C5: variants seen among roughly 807,000 people sequenced by gnomAD.
C5 encodes C3 and PZP-like alpha-2-macroglobulin domain-containing protein 4.
A neutral mutation model predicts 218.8 loss-of-function variants in C5; 140 were observed. That is an observed-to-expected ratio of 0.64 (90% CI 0.56 to 0.74). The LOEUF is 0.74. Ranked by LOEUF, C5 falls within the 30% of genes least tolerant of loss-of-function variation. C5 has a pLI of 0.00. For synonymous variants in C5, 614 were observed against 682.3 expected, an observed-to-expected ratio of 0.90 and a Z score of 1.56; for missense variants, 1,700 against 1,969.6, an observed-to-expected ratio of 0.86 and a Z score of 2.59.
chr9:120,970,328 CT>C (rs1377243210), intron 31 of C5, 77 bp from the exon 32 acceptor site: 3 of 898,388 alleles, frequency 3.3e-6, no homozygotes, highest in Non-Finnish European at 5.6e-6. Context: ...AACACTGCTG[CT>C]GCAGATGGGA....
At chr9:121,008,544 C>A (rs770749891) in intron 17 of C5, 46 bp from the exon 18 acceptor site, 2 of 1,369,090 alleles carry the variant, frequency 1.5e-6, no homozygotes, top group African/African-American at 2.9e-5. Flanking sequence ...AATATAAATT[C>A]TACTTATAGG....
At chr9:121,063,653 A>G in the C5 span, among the ~76,000 whole-genome samples, 2 of 152,266 alleles carry the variant, frequency 1.3e-5, no homozygotes, top group East Asian at 3.9e-4. Flanking sequence ...AACCTGGAAA[A>G]TTTGACCTGT....
rs540683124 is a variant in C5, at chr9:120,979,406, C to G, written c.3658+677G>C. Among the ~76,000 whole-genome samples, 109 of 152,320 alleles carry G rather than the reference C, an allele frequency of 7.2e-4. 1 individual carries two copies. The South Asian group carries it at 0.013, about 19-fold the overall frequency. On this transcript the variant is annotated intron_variant, in intron 28 of 40. Coordinates refer to ENST00000223642, the MANE Select transcript of C5 (RefSeq NM_001735.3). Reference sequence around the variant, plus strand: ...TTTTCTTCATATCAGCCATCACCATCTATTCATAAAGCTTTATTTATTTAT... The same window carrying G: ...TTTTCTTCATATCAGCCATCACCATGTATTCATAAAGCTTTATTTATTTAT...
chr9:120,970,471 G>A (rs546971190), intron 31 of C5, among the ~76,000 whole-genome samples: 2 of 152,270 alleles, frequency 1.3e-5, no homozygotes, highest in South Asian at 4.1e-4. Flanking sequence ...AATGACTTCT[G>A]GCCGGTCAGA....
At chr9:120,960,689 G>A (rs1194441726) in intron 37 of C5, among the ~76,000 whole-genome samples, 1 of 152,142 alleles carries the variant, frequency 6.6e-6, no homozygotes, top group Non-Finnish European at 1.5e-5. Context: ...TAGCTCATTA[G>A]CTATTGTTAG....
At chr9:120,983,534 T>C (rs1432858264) in intron 25 of C5, among the ~76,000 whole-genome samples, 3 of 152,214 alleles carry the variant, frequency 2.0e-5, no homozygotes, top group African/African-American at 4.8e-5. Flanking sequence ...GTGTTTCTTT[T>C]TCATTTTCAT....
intron 38 of C5, among the ~76,000 whole-genome samples, chr9:120,959,162 AGCTGTT>A (rs2046807540): frequency 6.6e-6 from 1 of 152,118 alleles, no homozygotes; most frequent in African/African-American, 2.4e-5. Context: ...TGTTTATGGA[AGCTGTT>A]GCTAAACACA....
At chr9:121,006,339 T>G (rs1190494761) in intron 19 of C5, among the ~76,000 whole-genome samples, 2 of 152,236 alleles carry the variant, frequency 1.3e-5, no homozygotes, top group Non-Finnish European at 2.9e-5. Flanking sequence ...TTTTTAGATA[T>G]TCATTATTGG....
intron 33 of C5, among the ~76,000 whole-genome samples, chr9:120,967,363 GC>G (rs1224699037): frequency 6.6e-6 from 1 of 152,026 alleles, no homozygotes; most frequent in East Asian, 1.9e-4. Context: ...CATTTGGCAG[GC>G]GACTTTATCT....
At position 121,028,377 on chromosome 9, in the gene C5, A is replaced by C. The variant is rs139931348; in HGVS notation, c.759-1103T>G. 1.1e-4 allele frequency among the ~76,000 whole-genome samples: 17 copies of C among 152,366 alleles called. No homozygotes were observed. In the East Asian group the frequency reaches 2.1e-3, roughly 19 times the overall value. On this transcript the variant is annotated intron_variant, in intron 7 of 40. Transcript: ENST00000223642. ...CCAAAGGATTATAAATCATGCTGCT[A>C]TAAAGACACATGCACACGTATGTTT...
chr9:121,036,389 T>C (rs540461451), intron 4 of C5, among the ~76,000 whole-genome samples: 146 of 152,284 alleles, frequency 9.6e-4, no homozygotes, highest in African/African-American at 3.4e-3. Context: ...TGACTGACAT[T>C]CATTTTTCTG....
chr9:121,008,757 C>T (rs1352715533), intron 17 of C5, among the ~76,000 whole-genome samples: 3 of 152,006 alleles, frequency 2.0e-5, no homozygotes, highest in East Asian at 1.9e-4. Flanking sequence ...TGTTGAAACC[C>T]CGTCTCTACT....
intron 8 of C5, chr9:121,025,814 C>G: frequency 4.8e-6 from 2 of 419,020 alleles, no homozygotes; most frequent in Non-Finnish European, 8.7e-6. Flanking sequence ...TCCAACAGGT[C>G]TTTTTGGTAA....
chr9:120,982,662 T>C lies in C5; in HGVS notation c.3383A>G (p.Lys1128Arg). 2 of 1,605,258 alleles carry C rather than the reference T, an allele frequency of 1.2e-6. No individual in the cohort carries two copies. ...TGCATTTGGTTTCCTTACCTGTAAT[T>C]TTATTGGTTGATACTGTGAATTTTC... ...FKENSQYQPI[K>R]LQGTLPVEAR... The change falls in exon 26 of 41, where the codon AAA (lysine) becomes AGA (arginine). Residue 1128 changes from lysine to arginine, a missense_variant. By Grantham distance (26) the Lys-to-Arg change is conservative (BLOSUM62 2). Transcript: ENST00000223642.
chr9:121,047,717 T>C (rs1367284487), intron 1 of C5, among the ~76,000 whole-genome samples: 1 of 152,184 alleles, frequency 6.6e-6, no homozygotes, highest in East Asian at 1.9e-4. Flanking sequence ...CTGACAGTTA[T>C]CCTGCATTAC....
In C5 at chr9:121,013,888, G is replaced by T. The variant is rs756235573; in HGVS notation, c.2242C>A (p.Gln748Lys). The T allele has an allele frequency of 1.9e-6, 3 of 1,613,864 alleles. No individual in the cohort carries two copies. The South Asian group carries it at 3.3e-5, about 18-fold the overall frequency. Residue 748 changes from glutamine to lysine, a missense_variant, in exon 17 of 41, where the codon CAA becomes AAA. Physicochemically the swap from Gln to Lys is moderately conservative, Grantham distance 53 (BLOSUM62 1). Coordinates refer to ENST00000223642, the MANE Select transcript of C5 (RefSeq NM_001735.3). ...TCATACTTACGTAGCCTTCCCAATT[G>T]CATGTCTTTATGAGAGATATTAGCA... ...LRANISHKDMQLGRLHMKTLL... is the reference protein window; with the variant it reads ...LRANISHKDMKLGRLHMKTLL...
At chr9:121,065,334 A>C in the C5 span, among the ~76,000 whole-genome samples, 1 of 152,204 alleles carries the variant, frequency 6.6e-6, no homozygotes, top group Non-Finnish European at 1.5e-5. Context: ...AGGTAGAGAA[A>C]ATTGCGGAGA....
intron 1 of C5, among the ~76,000 whole-genome samples, chr9:121,047,286 T>TCACATA (rs2047635844): frequency 6.6e-6 from 1 of 152,196 alleles, no homozygotes; most frequent in Non-Finnish European, 1.5e-5. Context: ...ATGTGTACAG[T>TCACATA]TGAGGTCAAG....
At chr9:121,069,121 A>G in the C5 span, among the ~76,000 whole-genome samples, 25 of 152,330 alleles carry the variant, frequency 1.6e-4, no homozygotes, top group African/African-American at 5.8e-4. Flanking sequence ...TCAAAAATGC[A>G]GGCAACAAAA....
Sources: gnomAD v4.1 joint callset for allele counts (sites outside exome capture counted in the v4.1 genomes callset) on GRCh38, gnomAD v4.1.1 for gene constraint, MANE v1.5 for transcripts, NCBI Gene and HGNC (gene_info 2026-07-23, HGNC 2026-07-21) for gene names.